Variants in KCNH7 observed in about 807,000 individuals in gnomAD.
The protein encoded by KCNH7 is potassium voltage-gated channel subfamily H member 7.
KCNH7 carries 49 observed loss-of-function variants against 120.8 expected under a neutral mutation model. That is an observed-to-expected ratio of 0.41 (90% CI 0.32 to 0.51). The LOEUF (loss-of-function observed/expected upper bound fraction) is 0.51, where lower values mean the gene tolerates loss of function less well. Among genes scored for constraint, KCNH7 ranks in the 20% least tolerant of loss-of-function variants. The probability of loss-of-function intolerance (pLI) is 0.38; values close to 1 mark genes in which losing one functional copy is unlikely to be tolerated. For synonymous variants in KCNH7, 547 were observed against 516.1 expected (o/e 1.06, Z -0.81); for missense variants, 1,097 against 1,446.6 (o/e 0.76, Z 3.92).
intron 6 of KCNH7, among the ~76,000 whole-genome samples, chr2:162,452,863 A>G (rs1688817340): frequency 6.6e-6 from 1 of 152,104 alleles, no homozygotes; most frequent in African/African-American, 2.4e-5. Context: ...TATTTGCATT[A>G]CATATTTCTT....
intron 2 of KCNH7, among the ~76,000 whole-genome samples, chr2:162,805,888 A>C (rs1025295521): frequency 4.6e-5 from 7 of 152,326 alleles, no homozygotes; most frequent in Non-Finnish European, 8.8e-5. Context: ...ACAGCACAGA[A>C]TACTACTCAG....
chr2:162,653,384 T>C (rs996135584), intron 2 of KCNH7, among the ~76,000 whole-genome samples: 1 of 152,148 alleles, frequency 6.6e-6, no homozygotes, highest in Non-Finnish European at 1.5e-5. Context: ...AGTAAAGTTG[T>C]AGTATACAAA....
intron 3 of KCNH7, among the ~76,000 whole-genome samples, chr2:162,526,783 G>A (rs957628194): frequency 1.3e-5 from 2 of 151,966 alleles, no homozygotes; most frequent in African/African-American, 4.8e-5. Flanking sequence ...AGCGTCCTAA[G>A]CGGACATACA....
At chr2:162,651,735 G>T (rs1224187789) in intron 2 of KCNH7, among the ~76,000 whole-genome samples, 1 of 152,042 alleles carries the variant, frequency 6.6e-6, no homozygotes, top group African/African-American at 2.4e-5. Flanking sequence ...GGGATTGCTG[G>T]GTCAAGTGGT....
At chr2:162,827,645 T>C (rs1573938119) in intron 2 of KCNH7, among the ~76,000 whole-genome samples, 1 of 152,172 alleles carries the variant, frequency 6.6e-6, no homozygotes, top group Non-Finnish European at 1.5e-5. Flanking sequence ...ATAGAATCTA[T>C]GTTTAAGAAC....
At chr2:162,770,591 G>A (rs905221858) in intron 2 of KCNH7, among the ~76,000 whole-genome samples, 6 of 151,884 alleles carry the variant, frequency 4.0e-5, no homozygotes, top group African/African-American at 1.4e-4. Context: ...CAATTAAGAT[G>A]GCAGAAATTC....
intron 6 of KCNH7, among the ~76,000 whole-genome samples, chr2:162,496,301 A>G (rs1041464326): frequency 6.6e-6 from 1 of 152,096 alleles, no homozygotes; most frequent in Non-Finnish European, 1.5e-5. Context: ...AGAACCTGTG[A>G]CCAGCCCCAC....
chr2:162,664,629 T>C (rs560849836), intron 2 of KCNH7, among the ~76,000 whole-genome samples: 3 of 152,286 alleles, frequency 2.0e-5, no homozygotes, highest in South Asian at 2.1e-4. Flanking sequence ...GAGAAAGTAA[T>C]TGAAATATCG....
chr2:162,648,581 T>A (rs1294288438), intron 2 of KCNH7, among the ~76,000 whole-genome samples: 1 of 152,172 alleles, frequency 6.6e-6, no homozygotes, highest in Non-Finnish European at 1.5e-5. Context: ...TGAATACACA[T>A]CTCTGTGCTT....
intron 9 of KCNH7, among the ~76,000 whole-genome samples, chr2:162,406,066 T>C (rs1376056024): frequency 6.6e-6 from 1 of 151,992 alleles, no homozygotes; most frequent in Non-Finnish European, 1.5e-5. Flanking sequence ...GTATTGACAA[T>C]AAACTATTAC....
At chr2:162,409,293 T>C (rs534993761) in intron 9 of KCNH7, among the ~76,000 whole-genome samples, 1 of 152,000 alleles carries the variant, frequency 6.6e-6, no homozygotes, top group East Asian at 1.9e-4. Context: ...AAAAGAAGCT[T>C]ATGTGGAATT....
intron 2 of KCNH7, among the ~76,000 whole-genome samples, chr2:162,690,431 TAAAGGA>T (rs1194488261): frequency 6.6e-6 from 1 of 152,144 alleles, no homozygotes; most frequent in African/African-American, 2.4e-5. Flanking sequence ...TTGACTCAAG[TAAAGGA>T]AATGCTGGTT....
intron 3 of KCNH7, among the ~76,000 whole-genome samples, chr2:162,526,882 T>A (rs1184465230): frequency 2.6e-5 from 4 of 152,022 alleles, no homozygotes; most frequent in African/African-American, 9.7e-5. Flanking sequence ...GGGGAAGTGA[T>A]AAGTGTCCAT....
At chr2:162,429,882 T>G (rs76935521) in intron 8 of KCNH7, among the ~76,000 whole-genome samples, 3,093 of 151,936 alleles carry the variant, frequency 0.02, 215 homozygotes, top group Admixed American at 0.15. Flanking sequence ...AACAGATTTT[T>G]TTTTTTGCTT....
rs573543399 is a variant in KCNH7, at chr2:162,725,726, T to G, written c.307+110811A>C. ...AGTGATTTTGCCCAGAGGGACATTA[T>G]GAAACTTTTTTGTTGTGGAAAATTT... On this transcript the variant is annotated intron_variant, in intron 2 of 15. Transcript: ENST00000332142. Among the ~76,000 whole-genome samples the G allele has an allele frequency of 3.3e-5, 5 of 152,332 alleles. No homozygotes were observed. The South Asian group carries it at 1.0e-3, about 32-fold the overall frequency.
intron 6 of KCNH7, among the ~76,000 whole-genome samples, chr2:162,466,822 C>G (rs1689324273): frequency 6.6e-6 from 1 of 152,076 alleles, no homozygotes; most frequent in Non-Finnish European, 1.5e-5. Context: ...TGGACACTAA[C>G]TTTATAAATA....
intron 2 of KCNH7, among the ~76,000 whole-genome samples, chr2:162,553,641 T>C (rs749114391): frequency 1.9e-4 from 29 of 151,858 alleles, no homozygotes; most frequent in Non-Finnish European, 4.3e-4. Context: ...AGAGCGAGAC[T>C]GTCTCAAAAA....
chr2:162,566,786 T>A (rs558183442), intron 2 of KCNH7, among the ~76,000 whole-genome samples: 10 of 151,948 alleles, frequency 6.6e-5, no homozygotes, highest in Admixed American at 2.6e-4. Flanking sequence ...TAGCTAAATA[T>A]CAGATTTTTG....
intron 2 of KCNH7, among the ~76,000 whole-genome samples, chr2:162,720,615 T>C (rs971352306): frequency 5.3e-5 from 8 of 152,120 alleles, no homozygotes; most frequent in African/African-American, 9.7e-5. Context: ...AAGTTTCATA[T>C]AGTCCATTAA....
Sources: gnomAD v4.1 joint callset for allele counts (sites outside exome capture counted in the v4.1 genomes callset) on GRCh38, gnomAD v4.1.1 for gene constraint, MANE v1.5 for transcripts, NCBI Gene and HGNC (gene_info 2026-07-23, HGNC 2026-07-21) for gene names.